Variants in WDR4 observed in about 807,000 individuals in gnomAD.
WDR4 encodes the protein tRNA (guanine-N(7)-)-methyltransferase non-catalytic subunit WDR4.
A neutral mutation model predicts 48.6 loss-of-function variants in WDR4; 47 were observed. The observed-to-expected ratio is 0.97, with a 90% CI of 0.77 to 1.23. WDR4 has a LOEUF of 1.23. WDR4 is among the 50% of genes most tolerant of loss of function. WDR4 has a pLI of 0.00. For synonymous variants in WDR4, 268 were observed against 230.0 expected (o/e 1.17, Z -1.49); for missense variants, 606 against 551.6 (o/e 1.10, Z -0.99).
rs1458463263 is a variant in WDR4 at position 42,859,735 on chromosome 21, G to C, written c.567-13C>G. On this transcript the variant is annotated splice_polypyrimidine_tract_variant and intron_variant, in intron 5 of 10. Transcript: ENST00000398208. ...ACGGCTCACAAACCTGTGAGGGCGAGAGAGAGCGGCAGAGTCAGCGAGCCC... is the reference window on the plus strand; with the variant it reads ...ACGGCTCACAAACCTGTGAGGGCGACAGAGAGCGGCAGAGTCAGCGAGCCC... 2 of 1,555,664 alleles carry C rather than the reference G, an allele frequency of 1.3e-6. No homozygotes were observed. Among genetic ancestry groups the C allele is most frequent in the East Asian group, 2.4e-5 (1 of 41,204 alleles).
intron 3 of WDR4, among the ~76,000 whole-genome samples, chr21:42,865,911 C>G (rs577364500): frequency 1.3e-5 from 2 of 152,080 alleles, no homozygotes; most frequent in Admixed American, 6.6e-5. Context: ...CTGCCCCAAG[C>G]CCCCCTCCAG....
intron 2 of WDR4, among the ~76,000 whole-genome samples, chr21:42,876,341 G>A (rs1355059756): frequency 2.0e-5 from 3 of 151,764 alleles, no homozygotes; most frequent in Non-Finnish European, 2.9e-5. Context: ...AGCCTCCCAA[G>A]TAGACGGGAT....
chr21:42,883,249 C>T (rs1454378051), upstream of WDR4, among the ~76,000 whole-genome samples: 3 of 141,496 alleles, frequency 2.1e-5, no homozygotes, highest in East Asian at 2.1e-4. Flanking sequence ...CACTCCAACC[C>T]GAGTAACAGA....
intron 3 of WDR4, among the ~76,000 whole-genome samples, chr21:42,873,255 A>T (rs944804656): frequency 6.6e-6 from 1 of 152,192 alleles, no homozygotes; most frequent in Non-Finnish European, 1.5e-5. Context: ...CTGTAGGTGG[A>T]GGGACCAGCA....
chr21:42,884,889 C>T, the WDR4 span, among the ~76,000 whole-genome samples: 1 of 152,052 alleles, frequency 6.6e-6, no homozygotes, highest in Non-Finnish European at 1.5e-5. Flanking sequence ...GATTCTCCTG[C>T]CTCAGCCTCC....
At chr21:42,867,392 C>CAAAAAAA (rs1569329587) in intron 3 of WDR4, among the ~76,000 whole-genome samples, 1 of 64,930 alleles carries the variant, frequency 1.5e-5, no homozygotes, top group Non-Finnish European at 3.2e-5. Flanking sequence ...CTCCGCTCCA[C>CAAAAAAA]CAAAAAAAAA....
chr21:42,870,461 T>A (rs1569332292), intron 3 of WDR4, among the ~76,000 whole-genome samples: 1 of 152,134 alleles, frequency 6.6e-6, no homozygotes, highest in Non-Finnish European at 1.5e-5. Flanking sequence ...ACTATGCCTA[T>A]GCCAAAGCTC....
At chr21:42,873,831 T>A in intron 2 of WDR4, 140 bp from the exon 3 acceptor site, 1 of 957,842 alleles carries the variant, frequency 1.0e-6, no homozygotes, top group Non-Finnish European at 1.5e-6. Flanking sequence ...ACAGACATAT[T>A]AAAGGGACAT....
At chr21:42,857,984 G>A (rs755445235) in intron 6 of WDR4, among the ~76,000 whole-genome samples, 4 of 152,126 alleles carry the variant, frequency 2.6e-5, no homozygotes, top group East Asian at 3.9e-4. Flanking sequence ...CTAGCTACTC[G>A]GGAGGCCTGA....
chr21:42,882,740 A>G (rs2058617001), upstream of WDR4, among the ~76,000 whole-genome samples: 1 of 151,970 alleles, frequency 6.6e-6, no homozygotes, highest in Non-Finnish European at 1.5e-5. Flanking sequence ...AGGTAGGAGA[A>G]TCAATTGAGG....
upstream of WDR4, among the ~76,000 whole-genome samples, chr21:42,883,042 T>G (rs1172401294): frequency 7.6e-6 from 1 of 131,082 alleles, no homozygotes; most frequent in Non-Finnish European, 1.5e-5. Context: ...GAGGTTGCAA[T>G]AAGCCGAGAT....
At chr21:42,843,891 G>C (rs2057687738) in intron 11 of WDR4, among the ~76,000 whole-genome samples, 1 of 152,094 alleles carries the variant, frequency 6.6e-6, no homozygotes, top group African/African-American at 2.4e-5. Context: ...AGGTCTCACT[G>C]TATTGCCCAG....
At chr21:42,890,488 A>G in the WDR4 span, among the ~76,000 whole-genome samples, 24 of 152,196 alleles carry the variant, frequency 1.6e-4, no homozygotes, top group Non-Finnish European at 3.5e-4. Flanking sequence ...GTGAGCCAAG[A>G]TCGCGCCACT....
chr21:42,858,212 G>A (rs2058038606), intron 6 of WDR4, among the ~76,000 whole-genome samples: 1 of 152,222 alleles, frequency 6.6e-6, no homozygotes, highest in African/African-American at 2.4e-5. Flanking sequence ...CAGGTCGGAG[G>A]ACACTGAAAA....
chr21:42,850,309 G>A, intron 10 of WDR4, 67 bp from the exon 11 acceptor site: 1 of 1,424,000 alleles, frequency 7.0e-7, no homozygotes, highest in East Asian at 2.4e-5. Flanking sequence ...ACCACAGCGG[G>A]CCCCCTGCAG....
In WDR4 at chr21:42,850,181, G is replaced by C. The variant is rs2057786523; in HGVS notation, c.1107C>G (p.Thr369=). Residue 369 remains threonine (T), a synonymous_variant, in exon 11 of 11, where the codon ACC becomes ACG. Transcript: ENST00000398208. ...TCTCCTCTTTCTTCTTCAGGTAGGA[G>C]GTCACGTTGTCGAACGTGGCCTTGT... The part of the protein sequence containing the change: ...SLYKATFDNV[T]SYLKKKEERL... 6.2e-7 allele frequency: 1 copy of C among 1,613,868 alleles called. No homozygotes were observed. Among genetic ancestry groups the C allele is most frequent in the Admixed American group, 1.7e-5 (1 of 59,986 alleles).
Position 42,863,546 on chromosome 21 carries a change from T to C in WDR4, c.347A>G (p.Lys116Arg). ...TCCAGACTTGTCGGCCACCAAGACC[T>C]TCTCCTCCGAGGCTATGAAAGTCAG... is the stretch of plus-strand genomic sequence containing the variant. ...TALTFIASEE[K>R]VLVADKSGDV... The change falls in exon 4 of 11, where the codon AAG (lysine) becomes AGG (arginine). Residue 116 changes from lysine to arginine, a missense_variant. Physicochemically the swap from Lys to Arg is conservative, Grantham distance 26. Transcript: ENST00000398208. 1 of 1,613,818 alleles carries C rather than the reference T, an allele frequency of 6.2e-7. No individual in the cohort carries two copies. Among genetic ancestry groups the C allele is most frequent in the Non-Finnish European group, 8.5e-7 (1 of 1,179,940 alleles).
chr21:42,854,052 T>C (rs1256768374), intron 8 of WDR4, among the ~76,000 whole-genome samples: 5 of 152,194 alleles, frequency 3.3e-5, no homozygotes, highest in African/African-American at 1.2e-4. Flanking sequence ...CTCTCACACC[T>C]GCGTACTTCC....
chr21:42,885,577 C>G, the WDR4 span, among the ~76,000 whole-genome samples: 1 of 148,616 alleles, frequency 6.7e-6, no homozygotes, highest in African/African-American at 2.5e-5. Flanking sequence ...CCATTGCACT[C>G]CAGCCTGGGC....
Sources: allele counts gnomAD v4.1 joint callset (sites outside exome capture counted in the v4.1 genomes callset), GRCh38; gene constraint gnomAD v4.1.1; transcripts MANE v1.5; gene names NCBI Gene and HGNC (gene_info 2026-07-23, HGNC 2026-07-21).